The following PPP1R16B variants were observed in gnomAD, a reference collection of about 807,000 sequenced individuals.
The protein encoded by PPP1R16B is protein phosphatase 1 regulatory subunit 16B.
PPP1R16B carries 14 observed loss-of-function variants against 61.7 expected under a neutral mutation model. The observed-to-expected ratio is 0.23, with a 90% confidence interval of 0.15 to 0.35. PPP1R16B has a LOEUF of 0.35. PPP1R16B is among the 10% of genes least tolerant of loss of function. The probability of loss-of-function intolerance (pLI) is 1.00; values close to 1 mark genes in which losing one functional copy is unlikely to be tolerated. For synonymous variants in PPP1R16B, 266 were observed against 305.3 expected (o/e 0.87, Z 1.34); for missense variants, 547 against 752.5 (o/e 0.73, Z 3.19).
At chr20:38,850,274 G>C (rs892443699) in intron 2 of PPP1R16B, among the ~76,000 whole-genome samples, 6 of 152,090 alleles carry the variant, frequency 3.9e-5, no homozygotes, top group African/African-American at 1.4e-4. Flanking sequence ...GGTCTGGTTG[G>C]AGCCATATGC....
At chr20:38,875,185 C>A (rs770303979) in intron 2 of PPP1R16B, among the ~76,000 whole-genome samples, 4 of 152,186 alleles carry the variant, frequency 2.6e-5, no homozygotes, top group Non-Finnish European at 4.4e-5. Context: ...CTCCCAAGTC[C>A]CATACATCAC....
intron 2 of PPP1R16B, among the ~76,000 whole-genome samples, chr20:38,886,111 T>G (rs2085243072): frequency 6.6e-6 from 1 of 152,214 alleles, no homozygotes; most frequent in African/African-American, 2.4e-5. Context: ...ATTTTCTTAC[T>G]GAACTCTAGA....
intron 7 of PPP1R16B, among the ~76,000 whole-genome samples, 191 bp downstream of exon 7, chr20:38,906,285 T>G (rs1029030196): frequency 4.5e-5 from 5 of 110,224 alleles, no homozygotes; most frequent in East Asian, 6.3e-4. Context: ...CAAGTTGTGT[T>G]TTTTTTTTTT....
chr20:38,830,139 C>T (rs1208817066), intron 1 of PPP1R16B, among the ~76,000 whole-genome samples: 1 of 152,206 alleles, frequency 6.6e-6, no homozygotes, highest in Non-Finnish European at 1.5e-5. Flanking sequence ...AGTCAGGCCC[C>T]AGGTTTAGTT....
At chr20:38,833,455 G>A (rs1446282611) in intron 1 of PPP1R16B, among the ~76,000 whole-genome samples, 4 of 152,192 alleles carry the variant, frequency 2.6e-5, no homozygotes, top group East Asian at 1.9e-4. Flanking sequence ...GTTGTATCAC[G>A]TCAGGTTTCT....
intron 1 of PPP1R16B, among the ~76,000 whole-genome samples, chr20:38,807,124 G>A (rs1373471891): frequency 2.6e-5 from 4 of 152,208 alleles, no homozygotes; most frequent in African/African-American, 9.6e-5. Context: ...AGGGCCTGCC[G>A]ATGGCGGCCT....
chr20:38,898,938 GCA>G (rs1215200345), intron 4 of PPP1R16B, among the ~76,000 whole-genome samples: 1 of 152,164 alleles, frequency 6.6e-6, no homozygotes, highest in East Asian at 1.9e-4. Flanking sequence ...TGGGCACTGG[GCA>G]CACAGGGATG....
intron 1 of PPP1R16B, among the ~76,000 whole-genome samples, chr20:38,831,324 C>T (rs939007379): frequency 1.3e-5 from 2 of 152,238 alleles, no homozygotes; most frequent in African/African-American, 4.8e-5. Flanking sequence ...GGCCAGTCTG[C>T]AGCCCATTGG....
At chr20:38,897,241 C>T (rs917246458) in intron 4 of PPP1R16B, among the ~76,000 whole-genome samples, 4 of 152,166 alleles carry the variant, frequency 2.6e-5, no homozygotes, top group Non-Finnish European at 4.4e-5. Context: ...GCAGGAGAAT[C>T]GCTCGAACCC....
chr20:38,869,006 C>T (rs1024441243), intron 2 of PPP1R16B, among the ~76,000 whole-genome samples: 1 of 152,042 alleles, frequency 6.6e-6, no homozygotes, highest in African/African-American at 2.4e-5. Context: ...GCCATCAGTC[C>T]AAAAAGTTCC....
At chr20:38,834,368 C>T (rs781567972) in intron 1 of PPP1R16B, among the ~76,000 whole-genome samples, 9 of 152,114 alleles carry the variant, frequency 5.9e-5, no homozygotes, top group Non-Finnish European at 1.3e-4. Context: ...GGACACTTTG[C>T]AGGTGGAGGA....
intron 2 of PPP1R16B, among the ~76,000 whole-genome samples, chr20:38,837,527 A>ATTTTTTTCTTTTT (rs1467945082): frequency 1.3e-5 from 2 of 148,520 alleles, no homozygotes; most frequent in Non-Finnish European, 3.0e-5. Context: ...ATGTTTCCAG[A>ATTTTTTTCTTTTT]TTTTTTTCTT....
intron 2 of PPP1R16B, among the ~76,000 whole-genome samples, chr20:38,857,765 C>T (rs140734292): frequency 7.2e-5 from 11 of 151,992 alleles, no homozygotes; most frequent in African/African-American, 2.7e-4. Flanking sequence ...CACTCAGTGA[C>T]TGATGGTTGC....
At position 38,895,932 on chromosome 20, in the gene PPP1R16B, C is replaced by T. The variant is rs372825015; in HGVS notation, c.467+222C>T. 2.9e-3 allele frequency among the ~76,000 whole-genome samples: 170 copies of T among 59,140 alleles called. 4 individuals are homozygous for T. The highest frequency in any genetic ancestry group is 0.024 in the Middle Eastern group (2 of 82). 38.8% of individuals were successfully genotyped at this position (59,140 alleles called of 152,430 possible). A position where few individuals can be genotyped will look rare whatever the true frequency, so the allele number is the denominator to read the frequency against. ...TTCTTTCTTCCCTCCCTCCCTCCTT[C>T]CTTCTTTCTTCCCTCCCTCCCTCCT... On this transcript the variant is annotated intron_variant, in intron 4 of 10. Transcript: ENST00000299824.
rs1041736360 is a variant in PPP1R16B, at chr20:38,889,981, C to T, written c.321+316C>T. On this transcript the variant is annotated intron_variant, in intron 3 of 10. Coordinates refer to ENST00000299824, the MANE Select transcript of PPP1R16B (RefSeq NM_015568.4). ...TTGGAGCTTGACAGTGTACGAAGCA[C>T]ATTCACACTTATCAGGACATCCCAT... Among the ~76,000 whole-genome samples, 4 of 152,256 alleles carry T rather than the reference C, an allele frequency of 2.6e-5. No individual in the cohort carries two copies. The South Asian group carries it at 8.3e-4, about 31-fold the overall frequency.
In PPP1R16B at chr20:38,822,782, C is replaced by T. The variant is rs1332514919; in HGVS notation, c.-101-13043C>T. On this transcript the variant is annotated intron_variant, in intron 1 of 10. Coordinates refer to ENST00000299824, the MANE Select transcript of PPP1R16B (RefSeq NM_015568.4). ...AAGAAAACCCTGAAACTAGTAGTTA[C>T]TTATTGTTGGCATCAAGTATGAAAC... is the stretch of plus-strand genomic sequence containing the variant. 2.0e-5 allele frequency among the ~76,000 whole-genome samples: 3 copies of T among 152,064 alleles called. No individual in the cohort carries two copies. The East Asian group carries it at 5.8e-4, about 29-fold the overall frequency.
intron 2 of PPP1R16B, 129 bp downstream of exon 2, chr20:38,836,304 C>G (rs1344688119): frequency 3.0e-6 from 4 of 1,343,950 alleles, no homozygotes; most frequent in Non-Finnish European, 4.0e-6. Flanking sequence ...TTCCAGCAGC[C>G]CCATTCCTCT....
intron 1 of PPP1R16B, among the ~76,000 whole-genome samples, chr20:38,832,750 C>G (rs2084845478): frequency 6.6e-6 from 1 of 152,002 alleles, no homozygotes; most frequent in Non-Finnish European, 1.5e-5. Context: ...GAAACCCCGT[C>G]TCTACAAAAA....
chr20:38,906,959 A>G lies in PPP1R16B; in HGVS notation c.823-20A>G. 6.2e-7 allele frequency: 1 copy of G among 1,610,106 alleles called. No individual in the cohort carries two copies. Among genetic ancestry groups the G allele is most frequent in the Non-Finnish European group, 8.5e-7 (1 of 1,176,470 alleles). On this transcript the variant is annotated intron_variant, in intron 7 of 10. Transcript: ENST00000299824. Reference sequence around the variant, plus strand: ...TGAGCTCTGGGCAGGGGGACACATGAGCTTCTTCCTGTGTTTCAGATGCAG... The same window carrying G: ...TGAGCTCTGGGCAGGGGGACACATGGGCTTCTTCCTGTGTTTCAGATGCAG...
Sources: allele counts gnomAD v4.1 joint callset (sites outside exome capture counted in the v4.1 genomes callset), GRCh38; gene constraint gnomAD v4.1.1; transcripts MANE v1.5; gene names NCBI Gene and HGNC (gene_info 2026-07-23, HGNC 2026-07-21).